Variants in UMOD observed in about 807,000 individuals in gnomAD.
The protein encoded by UMOD is uromodulin.
In UMOD, 64 loss-of-function variants were observed where a neutral mutation model predicts 66.0. The observed-to-expected ratio is 0.97, with a 90% confidence interval of 0.79 to 1.19. UMOD has a LOEUF of 1.19. Among genes scored for constraint, UMOD ranks in the 50% most tolerant of loss-of-function variants. The pLI, the probability that UMOD is intolerant of heterozygous loss-of-function variation, is 0.00. For missense variants in UMOD, 764 were observed against 850.9 expected, an observed-to-expected ratio of 0.90 and a Z score of 1.27; for synonymous variants, 398 against 352.7, an observed-to-expected ratio of 1.13 and a Z score of -1.44.
upstream of UMOD, chr16:20,352,806 T>G (rs542015520): frequency 8.9e-7 from 1 of 1,128,102 alleles, no homozygotes; most frequent in African/African-American, 1.6e-5. Flanking sequence ...TTTTTGATAT[T>G]GTTTTCTTGG....
At chr16:20,334,390 A>G (rs1162861576) in intron 10 of UMOD, among the ~76,000 whole-genome samples, 1 of 152,188 alleles carries the variant, frequency 6.6e-6, no homozygotes, top group African/African-American at 2.4e-5. Flanking sequence ...GGGTATGTTC[A>G]TATCCTTTGG....
At chr16:20,354,802 TTAC>T (rs1372448699), upstream of UMOD, among the ~76,000 whole-genome samples, 2 of 152,196 alleles carry the variant, frequency 1.3e-5, no homozygotes, top group African/African-American at 4.8e-5. Context: ...GGCTCAATAA[TTAC>T]TAGAGATCAA....
chr16:20,338,636 G>A (rs974423328), intron 7 of UMOD, among the ~76,000 whole-genome samples: 1 of 151,706 alleles, frequency 6.6e-6, no homozygotes, highest in African/African-American at 2.4e-5. Context: ...TAGGATTACA[G>A]GTGTGTGCCA....
intron 4 of UMOD, among the ~76,000 whole-genome samples, chr16:20,346,889 GAAAGAA>G (rs1965616455): frequency 9.6e-4 from 4 of 4,150 alleles, no homozygotes; most frequent in Non-Finnish European, 7.1e-3. Flanking sequence ...AAGAGAGAAA[GAAAGAA>G]AGAAAGAAAG....
At chr16:20,340,460 A>G (rs1008170911) in intron 7 of UMOD, among the ~76,000 whole-genome samples, 21 of 118,754 alleles carry the variant, frequency 1.8e-4, no homozygotes, top group South Asian at 3.4e-4. Flanking sequence ...GTGTATATAT[A>G]TGTGTGTGTG....
At chr16:20,352,963 G>T (rs75124070), upstream of UMOD, 3 of 377,336 alleles carry the variant, frequency 8.0e-6, no homozygotes, top group East Asian at 7.6e-5. Flanking sequence ...TCACTGTTTC[G>T]CACCTTCTAA....
At chr16:20,356,124 T>A (rs1326764653), upstream of UMOD, 1 of 152,162 alleles carries the variant, frequency 6.6e-6, no homozygotes, top group Non-Finnish European at 1.5e-5. Context: ...TTGGTGTGTG[T>A]CAGAAAGCGG....
chr16:20,352,016 C>A (rs964435959), intron 1 of UMOD, among the ~76,000 whole-genome samples: 1 of 141,176 alleles, frequency 7.1e-6, no homozygotes, highest in Non-Finnish European at 1.5e-5. Flanking sequence ...TCCATCCCCC[C>A]CCCCCAAAAA....
chr16:20,352,688 C>T lies in UMOD; in HGVS notation c.-103+1G>A. The T allele has an allele frequency of 8.1e-7, 1 of 1,231,672 alleles. No individual in the cohort carries two copies. The highest frequency in any genetic ancestry group is 1.0e-6 in the Non-Finnish European group (1 of 987,948). 76.3% of individuals were successfully genotyped at this position (1,231,672 alleles called of 1,614,324 possible). ...GAGAAGACAGCTACAGATAGCCTTA[C>T]CTGAAGCCAGAAAGGTAGAGTTAGT... On this transcript the variant is annotated splice_donor_variant, in intron 1 of 10. Coordinates refer to ENST00000396138, the MANE Select transcript of UMOD (RefSeq NM_003361.4). LOFTEE classifies it low-confidence loss of function (5UTR_SPLICE).
intron 6 of UMOD, among the ~76,000 whole-genome samples, chr16:20,342,750 T>C (rs1180380831): frequency 6.6e-6 from 1 of 152,150 alleles, no homozygotes; most frequent in African/African-American, 2.4e-5. Context: ...GATACCTTTA[T>C]CTCCTAGGGC....
chr16:20,339,196 A>C (rs2141640706), intron 7 of UMOD, among the ~76,000 whole-genome samples: 1 of 152,396 alleles, frequency 6.6e-6, no homozygotes, highest in East Asian at 1.9e-4. Flanking sequence ...CCAAGATTTG[A>C]ACCCAAATCT....
chr16:20,351,429 T>G (rs1965888944), intron 1 of UMOD: 1 of 161,194 alleles, frequency 6.2e-6, no homozygotes, highest in African/African-American at 2.4e-5. Context: ...CCAGGGTGGA[T>G]GCCAGTATTA....
At chr16:20,350,583 T>A (rs1222372812) in intron 2 of UMOD, 67 bp downstream of exon 2, 1 of 1,586,106 alleles carries the variant, frequency 6.3e-7, no homozygotes, top group African/African-American at 1.3e-5. Context: ...GCTACATTGC[T>A]TCCCCCACAC....
At position 20,345,290 on chromosome 16, in the gene UMOD, A is replaced by C. The variant is rs367852232; in HGVS notation, c.1182+836T>G. Among the ~76,000 whole-genome samples the C allele has an allele frequency of 5.3e-5, 8 of 152,294 alleles. No homozygotes were observed. The East Asian group carries it at 1.5e-3, about 29-fold the overall frequency. ...CGGCCCCCCAAAGTGCTGGGATTACAGGCGTGAGCCACCATGCCCGGCCAA... is the reference window on the plus strand; with the variant it reads ...CGGCCCCCCAAAGTGCTGGGATTACCGGCGTGAGCCACCATGCCCGGCCAA... On this transcript the variant is annotated intron_variant, in intron 5 of 10. Transcript: ENST00000396138.
intron 7 of UMOD, 111 bp downstream of exon 7, chr16:20,340,980 C>G: frequency 7.9e-7 from 1 of 1,271,628 alleles, no homozygotes; most frequent in Non-Finnish European, 1.1e-6. Context: ...GGCGACAGAG[C>G]AAGACTCTGT....
In UMOD at chr16:20,348,632, G is replaced by A; in HGVS notation, c.669C>T (p.Cys223=). 1 of 1,579,678 alleles carries A rather than the reference G, an allele frequency of 6.3e-7. No homozygotes were observed. The highest frequency in any genetic ancestry group is 1.3e-5 in the African/African-American group (1 of 74,530). ...MAETCVPVLR[C]NTAAPMWLNG... is the part of the protein sequence containing the mutation. Reference sequence around the variant, plus strand: ...TGAGCCACATGGGGGCGGCCGTGTTGCAGCGCAGGACTGGCACGCAGGTCT... The same window carrying A: ...TGAGCCACATGGGGGCGGCCGTGTTACAGCGCAGGACTGGCACGCAGGTCT... The change falls in exon 3 of 11, where the codon TGC becomes TGT. Residue 223 remains cysteine, a synonymous_variant. Transcript: ENST00000396138.
chr16:20,344,068 C>T lies in UMOD; in HGVS notation c.1287G>A (p.Leu429=), dbSNP rs1474091855. Residue 429 remains leucine (L), a synonymous_variant, in exon 6 of 11, where the codon CTG becomes CTA. Transcript: ENST00000396138. ...IKINFACSYP[L]DMKVSLKTAL... is the part of the protein sequence containing the mutation. ...CGGTCTTCAGGCTGACTTTCATGTC[C>T]AGGGGGTAGGAGCATGCAAAGTTGA... 1 of 1,613,740 alleles carries T rather than the reference C, an allele frequency of 6.2e-7. No homozygotes were observed. The highest frequency in any genetic ancestry group is 1.3e-5 in the African/African-American group (1 of 74,814).
chr16:20,335,636 A>G (rs1964829174), intron 9 of UMOD, 116 bp from the exon 10 acceptor site: 1 of 1,002,748 alleles, frequency 1.0e-6, no homozygotes, highest in Non-Finnish European at 1.6e-6. Flanking sequence ...TCTCTTCAAA[A>G]CCCAAATCTG....
Position 20,333,111 on chromosome 16 carries a change from C to T in UMOD, c.*203G>A, listed in dbSNP as rs1262273353. Reference sequence around the variant, plus strand: ...AAGGAGATGGGGGCCTCAGGTACACCGTCACAAGTCCCATTTTGAGAAAAA... The same window carrying T: ...AAGGAGATGGGGGCCTCAGGTACACTGTCACAAGTCCCATTTTGAGAAAAA... On this transcript the variant is annotated 3_prime_UTR_variant, in exon 11 of 11. Coordinates refer to ENST00000396138, the MANE Select transcript of UMOD (RefSeq NM_003361.4). 12 of 612,532 alleles carry T rather than the reference C, an allele frequency of 2.0e-5. No individual in the cohort carries two copies. Among genetic ancestry groups the T allele is most frequent in the African/African-American group, 1.1e-4 (6 of 54,002 alleles). 37.9% of individuals were successfully genotyped at this position (612,532 alleles called of 1,614,324 possible). A position where few individuals can be genotyped will look rare whatever the true frequency, so the allele number is the denominator to read the frequency against.
Sources: gnomAD v4.1 joint callset for allele counts (sites outside exome capture counted in the v4.1 genomes callset) on GRCh38, gnomAD v4.1.1 for gene constraint, MANE v1.5 for transcripts, NCBI Gene and HGNC (gene_info 2026-07-23, HGNC 2026-07-21) for gene names.